CCDC178: variants seen among roughly 807,000 people sequenced by gnomAD.
The protein encoded by CCDC178 is coiled-coil domain containing 178, also known as coiled-coil domain-containing protein 178.
In CCDC178, 126 loss-of-function variants were observed where a neutral mutation model predicts 117.4. The observed-to-expected ratio is 1.07, with a 90% CI of 0.93 to 1.24. CCDC178 has a LOEUF of 1.24. Among genes scored for constraint, CCDC178 ranks in the 50% most tolerant of loss-of-function variants. The pLI is 0.00. For missense variants in CCDC178, 1,030 were observed against 986.9 expected (o/e 1.04, Z -0.59); for synonymous variants, 283 against 313.4 (o/e 0.90, Z 1.02).
chr18:33,416,119 C>T (rs1164376078), intron 2 of CCDC178, among the ~76,000 whole-genome samples: 1 of 152,132 alleles, frequency 6.6e-6, no homozygotes, highest in Non-Finnish European at 1.5e-5. Flanking sequence ...TCTACTCCAG[C>T]TAAACACATC....
chr18:33,005,602 T>C (rs1381903281), intron 21 of CCDC178, among the ~76,000 whole-genome samples: 1 of 152,004 alleles, frequency 6.6e-6, no homozygotes, highest in Non-Finnish European at 1.5e-5. Context: ...AAATAACTAA[T>C]AGAGAATAAT....
intron 20 of CCDC178, among the ~76,000 whole-genome samples, chr18:33,140,942 T>C (rs541654038): frequency 6.6e-6 from 1 of 151,802 alleles, no homozygotes; most frequent in Admixed American, 6.6e-5. Context: ...TGGGGGTGAG[T>C]CTTTCCTGTG....
intron 20 of CCDC178, among the ~76,000 whole-genome samples, chr18:33,129,232 A>C (rs2036926258): frequency 6.6e-6 from 1 of 152,164 alleles, no homozygotes; most frequent in South Asian, 2.1e-4. Context: ...TTAATGCCCT[A>C]AGCAGTGTCA....
At chr18:33,028,546 G>C (rs2056273191) in intron 21 of CCDC178, among the ~76,000 whole-genome samples, 1 of 151,594 alleles carries the variant, frequency 6.6e-6, no homozygotes, top group Non-Finnish European at 1.5e-5. Flanking sequence ...CCAGCTAGTT[G>C]ATATAAAGTT....
chr18:32,961,504 C>T (rs913256077), intron 22 of CCDC178, among the ~76,000 whole-genome samples: 19 of 152,018 alleles, frequency 1.2e-4, no homozygotes, highest in South Asian at 2.1e-4. Context: ...CACTTACAGA[C>T]GATTTAAATT....
At chr18:33,001,291 G>A (rs1218760365) in intron 21 of CCDC178, among the ~76,000 whole-genome samples, 2 of 152,048 alleles carry the variant, frequency 1.3e-5, no homozygotes, top group Admixed American at 6.6e-5. Context: ...AGGCCAAGGC[G>A]AGCGGATCAC....
chr18:32,953,988 A>G (rs1458731661), intron 22 of CCDC178: 1 of 152,130 alleles, frequency 6.6e-6, no homozygotes, highest in East Asian at 1.9e-4. Flanking sequence ...CCTCACAGGT[A>G]GATTGGAAGC....
intron 5 of CCDC178, among the ~76,000 whole-genome samples, chr18:33,371,198 C>G (rs970607380): frequency 2.6e-5 from 4 of 151,844 alleles, no homozygotes; most frequent in Non-Finnish European, 4.4e-5. Flanking sequence ...AACACAATCT[C>G]TTGTAAAAAT....
intron 22 of CCDC178, among the ~76,000 whole-genome samples, chr18:32,962,980 G>A (rs2054738158): frequency 6.6e-6 from 1 of 151,862 alleles, no homozygotes; most frequent in Non-Finnish European, 1.5e-5. Flanking sequence ...CCCTAAATTA[G>A]CCTGATATTT....
chr18:33,362,162 T>C (rs950678809), intron 6 of CCDC178, among the ~76,000 whole-genome samples: 3 of 123,004 alleles, frequency 2.4e-5, no homozygotes, highest in East Asian at 2.4e-4. Context: ...TATATGTTTA[T>C]GTGTGTATGT....
intron 3 of CCDC178, among the ~76,000 whole-genome samples, chr18:33,402,745 GT>G (rs2063725850): frequency 1.3e-5 from 2 of 152,142 alleles, no homozygotes; most frequent in African/African-American, 4.8e-5. Context: ...TGTTGTTACT[GT>G]TAGAGGAAGG....
At position 32,983,272 on chromosome 18, in the gene CCDC178, C is replaced by T. The variant is rs774010236; in HGVS notation, c.2389-8591G>A. 85 of 1,493,156 alleles carry T rather than the reference C, an allele frequency of 5.7e-5. No homozygotes were observed. The East Asian group carries it at 2.0e-3, about 35-fold the overall frequency. 92.5% of individuals were successfully genotyped at this position (1,493,156 alleles called of 1,614,324 possible). A position where few individuals can be genotyped will look rare whatever the true frequency, so the allele number is the denominator to read the frequency against. On this transcript the variant is annotated intron_variant, in intron 21 of 22. Transcript: ENST00000383096. ...CACGTGTATGCATGGATTAATTCAT[C>T]ACAGGTACCTGAAAATTTGAGAGTT...
chr18:33,037,658 T>A (rs1481469141), intron 21 of CCDC178, among the ~76,000 whole-genome samples: 1 of 151,924 alleles, frequency 6.6e-6, no homozygotes, highest in Non-Finnish European at 1.5e-5. Context: ...ATATGTAAAC[T>A]CTCTTGGATA....
At chr18:33,307,521 C>T (rs1167454442) in intron 11 of CCDC178, among the ~76,000 whole-genome samples, 1 of 152,164 alleles carries the variant, frequency 6.6e-6, no homozygotes, top group East Asian at 1.9e-4. Context: ...AAATGTGCAG[C>T]CTGATGATGT....
At position 33,222,241 on chromosome 18, in the gene CCDC178, TTCCC is replaced by T. The variant is rs960274904; in HGVS notation, c.1932+861_1932+864del. ...CTCCCTCCCTTCCTTTCTTCCTTCC[TTCCC>T]TCCCTCCCTCCTTTCCTGCCTCCTT... On this transcript the variant is annotated intron_variant, in intron 18 of 22. Coordinates refer to ENST00000383096, the MANE Select transcript of CCDC178 (RefSeq NM_001105528.4). Among the ~76,000 whole-genome samples the T allele has an allele frequency of 7.3e-5, 11 of 150,088 alleles. No homozygotes were observed. In the South Asian group the frequency reaches 8.7e-4, roughly 12 times the overall value.
chr18:33,375,089 T>C (rs2063346557), intron 5 of CCDC178, among the ~76,000 whole-genome samples: 1 of 152,098 alleles, frequency 6.6e-6, no homozygotes, highest in South Asian at 2.1e-4. Context: ...TGTAAATGAG[T>C]GGATTGTATT....
At chr18:33,003,930 T>A (rs1185149515) in intron 21 of CCDC178, among the ~76,000 whole-genome samples, 1 of 151,924 alleles carries the variant, frequency 6.6e-6, no homozygotes, top group Non-Finnish European at 1.5e-5. Flanking sequence ...CCATTTGCAA[T>A]AGATGCAAAT....
At chr18:33,170,265 T>C (rs564726642) in intron 20 of CCDC178, among the ~76,000 whole-genome samples, 48 of 152,252 alleles carry the variant, frequency 3.2e-4, no homozygotes, top group East Asian at 2.5e-3. Flanking sequence ...TTATAAATTA[T>C]TGGAATAGGC....
Position 32,957,506 on chromosome 18 carries a change from G to T in CCDC178, c.2523+17041C>A, listed in dbSNP as rs75210326. Among the ~76,000 whole-genome samples the T allele has an allele frequency of 9.6e-3, 1,465 of 152,210 alleles. 27 individuals are homozygous for T. The highest frequency in any genetic ancestry group is 0.034 in the African/African-American group (1,399 of 41,530). ...GGGAAAGTATAGGTCAGGGGCAAAC[G>T]ATGAGAAATTTGAACATACTAAAGT... is the stretch of plus-strand genomic sequence containing the variant. On this transcript the variant is annotated intron_variant, in intron 22 of 22. Transcript: ENST00000383096.
Sources: gnomAD v4.1 joint callset for allele counts (sites outside exome capture counted in the v4.1 genomes callset) on GRCh38, gnomAD v4.1.1 for gene constraint, MANE v1.5 for transcripts, NCBI Gene and HGNC (gene_info 2026-07-23, HGNC 2026-07-21) for gene names.